The following RNF213 variants were observed in gnomAD, a reference collection of about 807,000 sequenced individuals.
RNF213 encodes ring finger protein 213.
In RNF213, 341 loss-of-function variants were observed where a neutral mutation model predicts 514.4. The observed-to-expected ratio is 0.66, with a 90% CI of 0.61 to 0.73. The LOEUF is 0.73. RNF213 is among the 30% of genes least tolerant of loss of function. The pLI, the probability that RNF213 is intolerant of heterozygous loss-of-function variation, is 0.00. For missense variants in RNF213, 5,767 were observed against 6,615.6 expected (o/e 0.87, Z 4.45); for synonymous variants, 2,655 against 2,658.2 (o/e 1.00, Z 0.04).
intron 63 of RNF213, 24 bp from the exon 64 acceptor site, chr17:80,388,588 A>T (rs775774361): frequency 5.2e-6 from 8 of 1,538,292 alleles, no homozygotes; most frequent in Non-Finnish European, 1.8e-6. Flanking sequence ...TAATTTTAAA[A>T]AACTTTTTTC....
intron 11 of RNF213, among the ~76,000 whole-genome samples, chr17:80,304,669 A>G (rs1016014338): frequency 2.6e-5 from 4 of 152,028 alleles, no homozygotes; most frequent in African/African-American, 9.7e-5. Flanking sequence ...TAATAATAAT[A>G]ATAATTAAGA....
chr17:80,311,920 A>G (rs2045586901), intron 14 of RNF213, among the ~76,000 whole-genome samples: 1 of 152,214 alleles, frequency 6.6e-6, no homozygotes. Context: ...AGAGGTTAGG[A>G]GTTCGAGACC....
chr17:80,279,555 G>T (rs887052423), intron 3 of RNF213, among the ~76,000 whole-genome samples: 1 of 151,882 alleles, frequency 6.6e-6, no homozygotes, highest in Admixed American at 6.6e-5. Context: ...ACCTCCGCGT[G>T]CAGGGTTCAA....
Position 80,345,458 on chromosome 17 carries a change from G to T in RNF213, c.7123G>T (p.Glu2375Ter). The T allele has an allele frequency of 3.1e-6, 5 of 1,611,848 alleles. No individual in the cohort carries two copies. The highest frequency in any genetic ancestry group is 3.4e-6 in the Non-Finnish European group (4 of 1,178,436). The part of the protein sequence containing the change: ...FDKLPRHKKL[E>*]RLCLTLGIPQ... The stretch of plus-strand genomic sequence containing the variant: ...TAAACTGCCCAGACACAAGAAACTT[G>T]AGAGGCTCTGCCTGACCTTAGGGAT... The change falls in exon 29 of 68, where the codon GAG (glutamate) becomes TAG (stop). Residue 2375 changes from glutamate to a stop codon, truncating the protein, a stop_gained. Transcript: ENST00000582970. LOFTEE classifies it high-confidence loss of function. This position sits in a 1 kb window ranked among gnomAD's most constrained non-coding sequence, Gnocchi z 6.0.
At chr17:80,351,839 G>T (rs879732565) in intron 32 of RNF213, 36 bp downstream of exon 32, 85 of 1,123,280 alleles carry the variant, frequency 7.6e-5, no homozygotes, top group Admixed American at 3.4e-4. Flanking sequence ...ATTTATTTAT[G>T]TATTTATTTA....
Position 80,347,174 on chromosome 17 carries a change from G to T in RNF213, c.8839G>T (p.Asp2947Tyr), listed in dbSNP as rs769511279. 43 of 1,613,828 alleles carry T rather than the reference G, an allele frequency of 2.7e-5. No individual in the cohort carries two copies. The highest frequency in any genetic ancestry group is 3.6e-5 in the Non-Finnish European group (42 of 1,179,994). ...CTACGAAACGGTGTGTAAGCGCCAGGACAAGGAATTCTTCGGGCTTCGTGA... is the reference window on the plus strand; with the variant it reads ...CTACGAAACGGTGTGTAAGCGCCAGTACAAGGAATTCTTCGGGCTTCGTGA... The part of the protein sequence containing the change: ...KAYETVCKRQ[D>Y]KEFFGLRDYY... The change falls in exon 29 of 68, where the codon GAC becomes TAC. Residue 2947 changes from aspartate to tyrosine, a missense_variant. By Grantham distance (160) the Asp-to-Tyr change is radical. Around this residue, in one of 13 missense-constraint regions of RNF213, gnomAD observed 919 missense variants for 1,121.0 expected, o/e 0.82. Coordinates refer to ENST00000582970, the MANE Select transcript of RNF213 (RefSeq NM_001256071.3). This position sits in a 1 kb window ranked among gnomAD's most constrained non-coding sequence, Gnocchi z 7.2.
chr17:80,300,139 G>A (rs1037657821), intron 11 of RNF213, among the ~76,000 whole-genome samples: 2 of 152,176 alleles, frequency 1.3e-5, no homozygotes, highest in African/African-American at 4.8e-5. Flanking sequence ...TTCCGTAATG[G>A]TTGAACTAAT....
chr17:80,291,585 G>T, intron 7 of RNF213, 43 bp from the exon 8 acceptor site: 2 of 1,590,240 alleles, frequency 1.3e-6, no homozygotes, highest in South Asian at 2.2e-5. Flanking sequence ...AAATTTCCGG[G>T]GTAGGAATTT....
intron 42 of RNF213, chr17:80,365,309 T>C (rs1472385375): frequency 6.5e-6 from 1 of 153,106 alleles, no homozygotes; most frequent in Non-Finnish European, 1.5e-5. Flanking sequence ...GTGTTGACTC[T>C]GACCTATCAA....
chr17:80,300,769 C>T (rs1201033153), intron 11 of RNF213, among the ~76,000 whole-genome samples: 1 of 152,082 alleles, frequency 6.6e-6, no homozygotes, highest in African/African-American at 2.4e-5. Flanking sequence ...CCAGGCTGGT[C>T]TCAAACCCCA....
chr17:80,373,249 A>ACCC (rs1304678750), intron 49 of RNF213, 84 bp downstream of exon 49: 13,647 of 933,802 alleles, frequency 0.015, 227 homozygotes, highest in Non-Finnish European at 0.014. Flanking sequence ...CTACCCTCAC[A>ACCC]CCCTACCCCC....
At chr17:80,387,406 G>C (rs1194578486) in intron 63 of RNF213, among the ~76,000 whole-genome samples, 1 of 152,172 alleles carries the variant, frequency 6.6e-6, no homozygotes, top group African/African-American at 2.4e-5. Context: ...GCACCCAGCT[G>C]ATTGTTGAGG....
intron 10 of RNF213, among the ~76,000 whole-genome samples, chr17:80,296,457 C>T (rs1455146954): frequency 6.6e-6 from 1 of 152,208 alleles, no homozygotes; most frequent in Admixed American, 6.5e-5. Flanking sequence ...ATGTTCTCCC[C>T]ATGCCCCTGC....
chr17:80,344,896 A>G lies in RNF213; in HGVS notation c.6561A>G (p.Glu2187=). 2 of 1,614,166 alleles carry G rather than the reference A, an allele frequency of 1.2e-6. No individual in the cohort carries two copies. Among genetic ancestry groups the G allele is most frequent in the Non-Finnish European group, 1.7e-6 (2 of 1,180,018 alleles). The change falls in exon 29 of 68, where the codon GAA becomes GAG. Residue 2187 remains glutamate, a synonymous_variant. Coordinates refer to ENST00000582970, the MANE Select transcript of RNF213 (RefSeq NM_001256071.3). The part of the protein sequence containing the change: ...NQDLDTFQYQ[E]GSVEGTPEEC... ...ACCTAGACACGTTTCAGTATCAAGAAGGCTCTGTCGAAGGCACCCCGGAGG... is the reference window on the plus strand; with the variant it reads ...ACCTAGACACGTTTCAGTATCAAGAGGGCTCTGTCGAAGGCACCCCGGAGG...
chr17:80,332,012 TTG>T lies in RNF213; in HGVS notation c.3525_3526del (p.Phe1175LeufsTer14). 6.5e-7 allele frequency: 1 copy of T among 1,534,292 alleles called. No homozygotes were observed. Among genetic ancestry groups the T allele is most frequent in the South Asian group, 1.2e-5 (1 of 84,016 alleles). On this transcript the variant is annotated frameshift_variant, in exon 21 of 68. Transcript: ENST00000582970. LOFTEE classifies it high-confidence loss of function. ...TTTCTTTTCGCTTCTAAAGTGGACT[TTG>T]GAGTGCTTGCAGTAAGACACTCACA...
intron 25 of RNF213, among the ~76,000 whole-genome samples, chr17:80,338,926 C>T (rs373184907): frequency 4.3e-4 from 63 of 145,164 alleles, no homozygotes; most frequent in African/African-American, 1.5e-3. Flanking sequence ...CCAGCCTGGG[C>T]AACAATGCAA....
chr17:80,274,327 C>T (rs2079229533), intron 3 of RNF213, among the ~76,000 whole-genome samples: 1 of 151,442 alleles, frequency 6.6e-6, no homozygotes, highest in East Asian at 2.0e-4. Flanking sequence ...CCAGTTGGAG[C>T]ACTAGGCGAG....
chr17:80,289,664 T>G lies in RNF213; in HGVS notation c.939T>G (p.Ala313=). ...GGTTTGGTTCCTTGTTCCAGGAAGC[T>G]GAGACCAAGACCAAGGACGAGATGG... ...TPPFKTHCQE[A]ETKTKDEMAA... The change falls in exon 6 of 68, where the codon GCT becomes GCG. Residue 313 remains alanine, a synonymous_variant. Coordinates refer to ENST00000582970, the MANE Select transcript of RNF213 (RefSeq NM_001256071.3). 6.2e-7 allele frequency: 1 copy of G among 1,613,186 alleles called. No individual in the cohort carries two copies. Among genetic ancestry groups the G allele is most frequent in the African/African-American group, 1.3e-5 (1 of 74,616 alleles).
At chr17:80,279,796 A>G (rs2044194564) in intron 3 of RNF213, among the ~76,000 whole-genome samples, 1 of 152,186 alleles carries the variant, frequency 6.6e-6, no homozygotes, top group South Asian at 2.1e-4. Flanking sequence ...TATAGCATTT[A>G]GGAGTATTAC....
Sources: gnomAD v4.1 joint callset for allele counts (sites outside exome capture counted in the v4.1 genomes callset) on GRCh38, gnomAD v4.1.1 for gene constraint, gnomAD v4.1.1 regional missense constraint, Gnocchi (gnomAD v3.1) non-coding constraint, MANE v1.5 for transcripts, NCBI Gene and HGNC (gene_info 2026-07-23, HGNC 2026-07-21) for gene names.